The following TRHDE variants were observed in gnomAD, a reference collection of about 807,000 sequenced individuals.
TRHDE encodes the protein thyrotropin releasing hormone degrading enzyme, also known as thyrotropin-releasing hormone-degrading ectoenzyme.
In TRHDE, 72 loss-of-function variants were observed where a neutral mutation model predicts 125.7. That is an observed-to-expected ratio of 0.57 (90% CI 0.47 to 0.70). TRHDE has a LOEUF of 0.70. Ranked by LOEUF, TRHDE falls within the 30% of genes least tolerant of loss-of-function variation. The pLI, the probability that TRHDE is intolerant of heterozygous loss-of-function variation, is 0.00. For missense variants in TRHDE, 1,110 were observed against 1,327.1 expected, an observed-to-expected ratio of 0.84 and a Z score of 2.54; for synonymous variants, 509 against 509.1, an observed-to-expected ratio of 1.00 and a Z score of 0.00.
chr12:72,650,462 T>C (rs1027710126), intron 15 of TRHDE, among the ~76,000 whole-genome samples: 6 of 152,084 alleles, frequency 3.9e-5, no homozygotes, highest in Middle Eastern at 3.4e-3. Context: ...ATTCTGTTAC[T>C]TTTTTTTCTA....
intron 12 of TRHDE, among the ~76,000 whole-genome samples, chr12:72,585,779 C>CA (rs1295587940): frequency 6.6e-6 from 1 of 152,132 alleles, no homozygotes; most frequent in African/African-American, 2.4e-5. Flanking sequence ...TTTGTCCTGT[C>CA]AATGTAAAAG....
At chr12:72,546,426 TA>T (rs1660051294) in intron 7 of TRHDE, among the ~76,000 whole-genome samples, 1 of 151,674 alleles carries the variant, frequency 6.6e-6, no homozygotes, top group Non-Finnish European at 1.5e-5. Context: ...TATAATGTTC[TA>T]TTGAAACAGT....
chr12:72,378,240 G>A (rs1459659189), intron 3 of TRHDE, 119 bp downstream of exon 3: 2 of 1,047,166 alleles, frequency 1.9e-6, no homozygotes, highest in East Asian at 2.8e-5. Context: ...TTTTAGAGAA[G>A]ATAAGCACAA....
At chr12:72,136,318 T>C (rs914116896) in intron 2 of TRHDE, among the ~76,000 whole-genome samples, 2 of 152,174 alleles carry the variant, frequency 1.3e-5, no homozygotes, top group African/African-American at 2.4e-5. Flanking sequence ...AAAATATTGA[T>C]AGCAAAGTGT....
chr12:72,432,777 C>T (rs1301388082), intron 3 of TRHDE, among the ~76,000 whole-genome samples: 1 of 152,134 alleles, frequency 6.6e-6, no homozygotes, highest in Non-Finnish European at 1.5e-5. Flanking sequence ...CGAATAGGGA[C>T]AGTTTTTCTT....
chr12:72,432,483 C>T (rs187114393), intron 3 of TRHDE, among the ~76,000 whole-genome samples: 6 of 152,292 alleles, frequency 3.9e-5, no homozygotes, highest in Admixed American at 3.9e-4. Flanking sequence ...TGTACCTACT[C>T]CTTGCCGTCT....
intron 2 of TRHDE, among the ~76,000 whole-genome samples, chr12:72,310,542 G>A (rs1868496935): frequency 6.6e-6 from 1 of 152,156 alleles, no homozygotes; most frequent in African/African-American, 2.4e-5. Flanking sequence ...AAAGCAATAA[G>A]TGTGAAAATG....
chr12:72,533,102 GT>G (rs1180776232), intron 6 of TRHDE, among the ~76,000 whole-genome samples: 1 of 151,584 alleles, frequency 6.6e-6, no homozygotes, highest in Non-Finnish European at 1.5e-5. Flanking sequence ...GTTTGTTGTT[GT>G]TTGTTTTTGG....
intron 2 of TRHDE, among the ~76,000 whole-genome samples, chr12:72,139,036 G>A (rs1479188819): frequency 6.6e-6 from 1 of 152,224 alleles, no homozygotes; most frequent in Non-Finnish European, 1.5e-5. Context: ...AGAATGGATT[G>A]TGTGAGCATA....
At chr12:72,151,356 G>A (rs62524178) in intron 2 of TRHDE, among the ~76,000 whole-genome samples, 4 of 151,534 alleles carry the variant, frequency 2.6e-5, no homozygotes, top group Non-Finnish European at 4.4e-5. Context: ...GCCTGTTCAC[G>A]CTGATGGTAG....
intron 6 of TRHDE, among the ~76,000 whole-genome samples, chr12:72,541,580 T>C (rs1869150389): frequency 6.6e-6 from 1 of 151,514 alleles, no homozygotes; most frequent in African/African-American, 2.4e-5. Flanking sequence ...ATTAGACAAT[T>C]TGAAATAATA....
At chr12:72,347,668 A>G (rs1035187123) in intron 2 of TRHDE, among the ~76,000 whole-genome samples, 22 of 151,966 alleles carry the variant, frequency 1.4e-4, no homozygotes, top group African/African-American at 5.3e-4. Context: ...TCTTGCTGGC[A>G]TTGGCTGGAG....
chr12:72,220,703 A>C, intron 2 of TRHDE, among the ~76,000 whole-genome samples: 1 of 151,902 alleles, frequency 6.6e-6, no homozygotes, highest in Non-Finnish European at 1.5e-5. Context: ...TTTTGCTTGA[A>C]CCTCTTTGAA....
chr12:72,429,078 G>A (rs1349282102), intron 3 of TRHDE, among the ~76,000 whole-genome samples: 2 of 151,994 alleles, frequency 1.3e-5, no homozygotes, highest in African/African-American at 4.8e-5. Context: ...ATCATTCTCA[G>A]CAAACTATCA....
intron 1 of TRHDE, among the ~76,000 whole-genome samples, chr12:72,093,126 T>C (rs1874831121): frequency 6.6e-6 from 1 of 152,244 alleles, no homozygotes; most frequent in Non-Finnish European, 1.5e-5. Flanking sequence ...TGGCAAGCTT[T>C]TTCTTACAGC....
At chr12:72,569,339 T>C (rs577228092) in intron 10 of TRHDE, among the ~76,000 whole-genome samples, 1 of 152,346 alleles carries the variant, frequency 6.6e-6, no homozygotes, top group African/African-American at 2.4e-5. Context: ...AAAAGCCAAT[T>C]ATCATCTTTT....
At chr12:72,580,320 T>C (rs746479776) in intron 12 of TRHDE, among the ~76,000 whole-genome samples, 4 of 152,374 alleles carry the variant, frequency 2.6e-5, no homozygotes, top group Middle Eastern at 3.4e-3. Context: ...TTATATATTA[T>C]AAATTTCAAT....
intron 12 of TRHDE, among the ~76,000 whole-genome samples, chr12:72,595,034 G>T (rs1019877946): frequency 6.9e-6 from 1 of 145,528 alleles, no homozygotes; most frequent in Non-Finnish European, 1.5e-5. Flanking sequence ...AACACCGCAT[G>T]TTCTCACTCA....
intron 10 of TRHDE, among the ~76,000 whole-genome samples, chr12:72,570,007 A>C (rs1185434652): frequency 6.6e-6 from 1 of 152,206 alleles, no homozygotes. Context: ...ATTAGAAAGA[A>C]GTCATCGCTC....
Sources: gnomAD v4.1 joint callset for allele counts (sites outside exome capture counted in the v4.1 genomes callset) on GRCh38, gnomAD v4.1.1 for gene constraint, MANE v1.5 for transcripts, NCBI Gene and HGNC (gene_info 2026-07-23, HGNC 2026-07-21) for gene names.